PRR16: variants seen among roughly 807,000 people sequenced by gnomAD.
PRR16 encodes protein Largen.
PRR16 carries 6 observed loss-of-function variants against 18.2 expected under a neutral mutation model. The observed-to-expected ratio is 0.33, with a 90% CI of 0.18 to 0.65. The LOEUF (loss-of-function observed/expected upper bound fraction) is 0.65. Among genes scored for constraint, PRR16 ranks in the 30% least tolerant of loss-of-function variants. The pLI is 0.74. For synonymous variants in PRR16, 151 were observed against 147.8 expected (o/e 1.02, Z -0.16); for missense variants, 412 against 376.6 (o/e 1.09, Z -0.78).
the PRR16 span, among the ~76,000 whole-genome samples, chr5:120,764,567 C>G: frequency 1.3e-5 from 2 of 152,022 alleles, no homozygotes; most frequent in African/African-American, 4.8e-5. Context: ...CTTTTCAAAA[C>G]TAGTTGGCGA....
chr5:120,498,424 A>T (rs1465815997), intron 1 of PRR16, among the ~76,000 whole-genome samples: 1 of 150,870 alleles, frequency 6.6e-6, no homozygotes, highest in Non-Finnish European at 1.5e-5. Flanking sequence ...TAAATGAAGT[A>T]TGGAAACCTT....
At chr5:120,578,029 A>C (rs1753138142) in intron 1 of PRR16, among the ~76,000 whole-genome samples, 1 of 152,186 alleles carries the variant, frequency 6.6e-6, no homozygotes, top group Non-Finnish European at 1.5e-5. Flanking sequence ...AGCAAGGATA[A>C]GAAAAAGAAT....
At chr5:120,651,013 C>T (rs538166597) in intron 1 of PRR16, among the ~76,000 whole-genome samples, 12 of 152,206 alleles carry the variant, frequency 7.9e-5, no homozygotes, top group East Asian at 3.9e-4. Flanking sequence ...TTTGAATGAT[C>T]GCCATTCTAA....
chr5:120,693,088 A>T, the PRR16 span, among the ~76,000 whole-genome samples: 2 of 152,182 alleles, frequency 1.3e-5, no homozygotes, highest in Non-Finnish European at 2.9e-5. Context: ...TACTACAGAA[A>T]TTTAGGACTG....
rs70985228 is a variant in PRR16, at chr5:120,580,451, A to ATT, written c.160-105483_160-105482dup. ...AGTTTTTAACATGAAGGGATTTTGA[A>ATT]TTTTTTTTTTTTTTTTTTTTTGAGA... On this transcript the variant is annotated intron_variant, in intron 1 of 1. Transcript: ENST00000407149. 8.4e-4 allele frequency among the ~76,000 whole-genome samples: 101 copies of ATT among 119,634 alleles called. 1 individual carries two copies. Among genetic ancestry groups the ATT allele is most frequent in the African/African-American group, 3.2e-3 (101 of 31,820 alleles). 78.5% of individuals were successfully genotyped at this position (119,634 alleles called of 152,430 possible).
chr5:120,609,015 G>A (rs1443009968), intron 1 of PRR16, among the ~76,000 whole-genome samples: 1 of 152,016 alleles, frequency 6.6e-6, no homozygotes, highest in African/African-American at 2.4e-5. Context: ...TCAAAAGAGA[G>A]CTGATTATTC....
In PRR16 at chr5:120,651,872, A is replaced by G. The variant is rs544431535; in HGVS notation, c.160-34082A>G. Among the ~76,000 whole-genome samples, 355 of 152,112 alleles carry G rather than the reference A, an allele frequency of 2.3e-3. 2 individuals carry two copies. The highest frequency in any genetic ancestry group is 8.0e-3 in the African/African-American group (334 of 41,500). On this transcript the variant is annotated intron_variant, in intron 1 of 1. Coordinates refer to ENST00000407149, the MANE Select transcript of PRR16 (RefSeq NM_001300783.2). ...TTTTTCCAATTCTGTGAAGAAAGTC[A>G]TTGGTAGCTTGATGGGGATGGCATT...
intron 1 of PRR16, among the ~76,000 whole-genome samples, chr5:120,530,254 A>AATATAT (rs3047950): frequency 8.2e-4 from 87 of 106,704 alleles, no homozygotes; most frequent in Middle Eastern, 4.8e-3. Context: ...AGTGTGTGTA[A>AATATAT]ATATATATAT....
chr5:120,737,864 A>G, the PRR16 span, among the ~76,000 whole-genome samples: 58 of 151,988 alleles, frequency 3.8e-4, 1 homozygote, highest in Non-Finnish European at 6.6e-4. Context: ...ATTTCTAATA[A>G]TGTATCCATT....
chr5:120,783,775 A>G, the PRR16 span, among the ~76,000 whole-genome samples: 3 of 152,142 alleles, frequency 2.0e-5, no homozygotes, highest in Non-Finnish European at 2.9e-5. Context: ...ATTGTTAACT[A>G]TAGTCACTCT....
the PRR16 span, among the ~76,000 whole-genome samples, chr5:120,750,789 A>G: frequency 1.3e-5 from 2 of 152,176 alleles, no homozygotes; most frequent in Admixed American, 6.5e-5. Context: ...CACTTCAAAC[A>G]TTTATCATTT....
chr5:120,748,716 G>A, the PRR16 span, among the ~76,000 whole-genome samples: 1 of 152,058 alleles, frequency 6.6e-6, no homozygotes, highest in Non-Finnish European at 1.5e-5. Context: ...ATGTCAGGCA[G>A]ATAGATAAAT....
intron 1 of PRR16, among the ~76,000 whole-genome samples, chr5:120,611,240 A>G (rs990377407): frequency 3.9e-5 from 6 of 152,218 alleles, no homozygotes; most frequent in Non-Finnish European, 8.8e-5. Context: ...GCAGAGCGTT[A>G]AAGTTTGGAC....
chr5:120,667,239 C>T (rs951632718), intron 1 of PRR16, among the ~76,000 whole-genome samples: 4 of 148,730 alleles, frequency 2.7e-5, no homozygotes, highest in South Asian at 2.1e-4. Context: ...AGTTTATTTG[C>T]GTAGAGGTGT....
chr5:120,670,405 T>C (rs780929708), intron 1 of PRR16, among the ~76,000 whole-genome samples: 24 of 152,088 alleles, frequency 1.6e-4, no homozygotes, highest in Non-Finnish European at 3.2e-4. Context: ...TTGGCAGATT[T>C]AAATGACCAT....
At chr5:120,485,010 G>C (rs1027977222) in intron 1 of PRR16, among the ~76,000 whole-genome samples, 7 of 151,762 alleles carry the variant, frequency 4.6e-5, no homozygotes, top group African/African-American at 1.4e-4. Context: ...GAATAGATAA[G>C]GTTTTTCTTT....
At chr5:120,751,319 T>C in the PRR16 span, among the ~76,000 whole-genome samples, 1 of 152,276 alleles carries the variant, frequency 6.6e-6, no homozygotes, top group South Asian at 2.1e-4. Flanking sequence ...ATATGGTAAT[T>C]CTATGTTTAG....
chr5:120,709,252 C>T, the PRR16 span, among the ~76,000 whole-genome samples: 1 of 151,928 alleles, frequency 6.6e-6, no homozygotes, highest in Admixed American at 6.6e-5. Flanking sequence ...CGTGATCTGC[C>T]CGCCTGGGCC....
At chr5:120,638,035 A>C (rs944162740) in intron 1 of PRR16, among the ~76,000 whole-genome samples, 2 of 152,134 alleles carry the variant, frequency 1.3e-5, no homozygotes, top group South Asian at 2.1e-4. Context: ...TACCTGGTGA[A>C]CAGGGCCCAA....
Sources: gnomAD v4.1 joint callset for allele counts (sites outside exome capture counted in the v4.1 genomes callset) on GRCh38, gnomAD v4.1.1 for gene constraint, MANE v1.5 for transcripts, NCBI Gene and HGNC (gene_info 2026-07-23, HGNC 2026-07-21) for gene names.